The following THBS2 variants were observed in gnomAD, a reference collection of about 807,000 sequenced individuals.
THBS2 encodes the protein thrombospondin 2.
THBS2 carries 47 observed loss-of-function variants against 135.2 expected under a neutral mutation model. The observed-to-expected ratio is 0.35, with a 90% CI of 0.28 to 0.44. The LOEUF is 0.44. Ranked by LOEUF, THBS2 falls within the 20% of genes least tolerant of loss-of-function variation. The probability of loss-of-function intolerance (pLI) is 1.00; values close to 1 mark genes in which losing one functional copy is unlikely to be tolerated. For synonymous variants in THBS2, 639 were observed against 633.8 expected (o/e 1.01, Z -0.12); for missense variants, 1,288 against 1,603.1 (o/e 0.80, Z 3.36).
At position 169,248,534 on chromosome 6, in the gene THBS2, G is replaced by A. The variant is rs1780640328; in HGVS notation, c.492C>T (p.His164=). ...AGCTGTCTATGAGGTCGCAGCCCAC[G>A]TGCAAGCTGTAGGTCTCGCCAGCCA... The part of the protein sequence containing the change: ...VQVAGETYSL[H]VGCDLIDSFA... Residue 164 remains histidine (H), a synonymous_variant, in exon 3 of 22, where the codon CAC becomes CAT. Coordinates refer to ENST00000617924, the MANE Select transcript of THBS2 (RefSeq NM_003247.5). 1.2e-6 allele frequency: 2 copies of A among 1,614,014 alleles called. No homozygotes were observed. The highest frequency in any genetic ancestry group is 1.3e-5 in the African/African-American group (1 of 75,060).
intron 12 of THBS2, 152 bp downstream of exon 12, chr6:169,232,512 C>G (rs931254172): frequency 2.2e-6 from 3 of 1,342,126 alleles, no homozygotes; most frequent in East Asian, 2.3e-5. Context: ...AGCGGCCCAG[C>G]CGAGCAGGTG....
intron 14 of THBS2, among the ~76,000 whole-genome samples, chr6:169,228,509 C>T (rs1046880829): frequency 4.6e-5 from 7 of 152,064 alleles, no homozygotes; most frequent in Admixed American, 3.9e-4. Flanking sequence ...GGGCAGGGCA[C>T]GGAGGCTCAC....
At chr6:169,249,721 G>A (rs929512319) in intron 2 of THBS2, among the ~76,000 whole-genome samples, 1 of 152,144 alleles carries the variant, frequency 6.6e-6, no homozygotes, top group Non-Finnish European at 1.5e-5. Context: ...CAGATCTCAC[G>A]AAAATCATAA....
At chr6:169,245,292 T>TA (rs1193757675) in intron 4 of THBS2, among the ~76,000 whole-genome samples, 1 of 152,234 alleles carries the variant, frequency 6.6e-6, no homozygotes, top group East Asian at 1.9e-4. Flanking sequence ...CCATCTCACG[T>TA]AGTCATTCTG....
chr6:169,245,771 G>A (rs1218827159), intron 4 of THBS2, among the ~76,000 whole-genome samples: 6 of 139,162 alleles, frequency 4.3e-5, no homozygotes, highest in Admixed American at 7.6e-5. Context: ...CAGCCTGGGT[G>A]ACAGAGTGAG....
intron 17 of THBS2, among the ~76,000 whole-genome samples, chr6:169,224,612 T>C (rs1779553896): frequency 1.3e-5 from 2 of 152,162 alleles, no homozygotes. Context: ...TGTGCCCTTG[T>C]TTATTACTCA....
At chr6:169,236,963 C>T (rs1038874966) in intron 9 of THBS2, among the ~76,000 whole-genome samples, 169 of 152,378 alleles carry the variant, frequency 1.1e-3, no homozygotes, top group African/African-American at 3.8e-3. Context: ...AGGAGGTTTG[C>T]GCTGAGCACA....
intron 4 of THBS2, among the ~76,000 whole-genome samples, chr6:169,242,582 AAATTCC>A (rs1562362954): frequency 5.6e-5 from 4 of 71,050 alleles, no homozygotes; most frequent in Admixed American, 5.3e-4. Flanking sequence ...ACCTTCCCCC[AAATTCC>A]CACCTTCCCA....
rs746036990 is a variant in THBS2, at chr6:169,232,054, C to T, written c.2077G>A (p.Glu693Lys). ...GGCCAGCCGTCCAGGTCCGAGTCCT[C>T]CCCGCAGATGAGCCCGTCGCCCGCG... ...GYAGDGLICG[E>K]DSDLDGWPNL... The change falls in exon 13 of 22, where the codon GAG becomes AAG. Residue 693 changes from glutamate (E) to lysine (K), a missense_variant. Physicochemically the swap from Glu to Lys is moderately conservative, Grantham distance 56. This residue lies in a region of THBS2 where 874 missense variants were observed against 1,156.1 expected (regional missense o/e 0.76). Transcript: ENST00000617924. The T allele has an allele frequency of 3.7e-6, 6 of 1,613,930 alleles. No individual in the cohort carries two copies. In the African/African-American group the frequency reaches 6.7e-5, roughly 18 times the overall value.
chr6:169,219,577 T>C (rs1441813046), intron 21 of THBS2, among the ~76,000 whole-genome samples: 1 of 152,106 alleles, frequency 6.6e-6, no homozygotes, highest in Non-Finnish European at 1.5e-5. Flanking sequence ...ACTCCTGACC[T>C]CAGGGGATCC....
chr6:169,246,707 G>C (rs1159159224), intron 3 of THBS2, among the ~76,000 whole-genome samples: 1 of 152,186 alleles, frequency 6.6e-6, no homozygotes, highest in Non-Finnish European at 1.5e-5. Flanking sequence ...CACAGACCCT[G>C]GGCCTGCAGG....
At position 169,241,839 on chromosome 6, in the gene THBS2, C is replaced by T; in HGVS notation, c.814G>A (p.Glu272Lys). The T allele has an allele frequency of 6.2e-7, 1 of 1,612,800 alleles. No individual in the cohort carries two copies. Among genetic ancestry groups the T allele is most frequent in the Non-Finnish European group, 8.5e-7 (1 of 1,179,964 alleles). ...AGCTCCTGGACCATGTTTCCCAGCT[C>T]CTCGCACGAGCGTTCGCACACCTCG... The part of the protein sequence containing the change: ...RPEVCERSCE[E>K]LGNMVQELSG... The change falls in exon 5 of 22, where the codon GAG becomes AAG. Residue 272 changes from glutamate (E) to lysine (K), a missense_variant. Transcript: ENST00000617924. This position sits in a 1 kb window ranked among gnomAD's most constrained non-coding sequence, Gnocchi z 5.5.
intron 11 of THBS2, 28 bp from the exon 12 acceptor site, chr6:169,232,844 C>T (rs1779895603): frequency 4.4e-6 from 7 of 1,607,594 alleles, no homozygotes; most frequent in East Asian, 2.2e-5. Context: ...CATGAGAGGC[C>T]GCTCCCGACC....
In THBS2 at chr6:169,237,343, C is replaced by T. The variant is rs752482498; in HGVS notation, c.1304G>A (p.Arg435Gln). 42 of 1,613,066 alleles carry T rather than the reference C, an allele frequency of 2.6e-5. No homozygotes were observed. Among genetic ancestry groups the T allele is most frequent in the Admixed American group, 2.2e-4 (13 of 59,998 alleles). Residue 435 changes from arginine (R) to glutamine (Q), a missense_variant, in exon 9 of 22, where the codon CGG becomes CAG. This residue lies in a region of THBS2 where 874 missense variants were observed against 1,156.1 expected (regional missense o/e 0.76). Coordinates refer to ENST00000617924, the MANE Select transcript of THBS2 (RefSeq NM_003247.5). ...CSLSKCDTRI[R>Q]QDGGWSHWSP... ...CCAGTGGCTCCAGCCGCCGTCCTGC[C>T]GGACTAACACAAGAAGCGGAGAGAG...
intron 9 of THBS2, among the ~76,000 whole-genome samples, chr6:169,235,692 C>T (rs1005112714): frequency 1.9e-4 from 28 of 151,320 alleles, no homozygotes; most frequent in Admixed American, 2.0e-4. Flanking sequence ...ACTCACTGCC[C>T]ATCCACACTC....
In THBS2 at chr6:169,248,522, G is replaced by A; in HGVS notation, c.504C>T (p.Asp168=). The change falls in exon 3 of 22, where the codon GAC becomes GAT. Residue 168 remains aspartate (D), a synonymous_variant. Transcript: ENST00000617924. The part of the protein sequence containing the change: ...GETYSLHVGC[D]LIDSFALDEP... ...CGTCCAGAGCGAAGCTGTCTATGAGGTCGCAGCCCACGTGCAAGCTGTAGG... is the reference window on the plus strand; with the variant it reads ...CGTCCAGAGCGAAGCTGTCTATGAGATCGCAGCCCACGTGCAAGCTGTAGG... 2.5e-6 allele frequency: 4 copies of A among 1,614,028 alleles called. No individual in the cohort carries two copies. The highest frequency in any genetic ancestry group is 1.7e-5 in the Admixed American group (1 of 60,030).
At position 169,220,207 on chromosome 6, in the gene THBS2, C is replaced by T. The variant is rs1006425320; in HGVS notation, c.3502G>A (p.Glu1168Lys). 7 of 1,613,398 alleles carry T rather than the reference C, an allele frequency of 4.3e-6. No homozygotes were observed. The Admixed American group carries it at 5.0e-5, about 12-fold the overall frequency. ...EMVYFSDLKYECRDI is the reference protein window; with the variant it reads ...EMVYFSDLKYKCRDI ...AAGTGCTCACACTCACCTCTGCATT[C>T]GTACTTGAGGTCTGAGAAATAGACC... Residue 1168 changes from glutamate to lysine, a missense_variant, in exon 21 of 22, where the codon GAA (glutamate) becomes AAA (lysine). Around this residue, in one of 2 missense-constraint regions of THBS2, gnomAD observed 874 missense variants for 1,156.1 expected, o/e 0.76. Transcript: ENST00000617924.
In THBS2 at chr6:169,237,765, C is replaced by T. The variant is rs1021270236; in HGVS notation, c.1160G>A (p.Trp387Ter). ...SVDGEEGWSP[W>*]AEWTQCSVTC... The stretch of plus-strand genomic sequence containing the variant: ...CACGGAGCACTGGGTCCACTCTGCC[C>T]ACGGAGACCAGCCCTCCTCACCGTC... Residue 387 changes from tryptophan to a stop codon, truncating the protein, a stop_gained, in exon 8 of 22, where the codon TGG (tryptophan) becomes TAG (stop). Coordinates refer to ENST00000617924, the MANE Select transcript of THBS2 (RefSeq NM_003247.5). LOFTEE classifies it high-confidence loss of function. 6.2e-7 allele frequency: 1 copy of T among 1,611,396 alleles called. No homozygotes were observed. Among genetic ancestry groups the T allele is most frequent in the African/African-American group, 1.3e-5 (1 of 74,940 alleles).
intron 7 of THBS2, 67 bp from the exon 8 acceptor site, chr6:169,237,862 G>A: frequency 1.3e-6 from 2 of 1,525,496 alleles, no homozygotes; most frequent in East Asian, 2.3e-5. Flanking sequence ...AACAGAACGG[G>A]CACAGGGCAG....
Sources: allele counts gnomAD v4.1 joint callset (sites outside exome capture counted in the v4.1 genomes callset), GRCh38; gene constraint gnomAD v4.1.1; regional missense constraint gnomAD v4.1.1; non-coding constraint Gnocchi (gnomAD v3.1); transcripts MANE v1.5; gene names NCBI Gene and HGNC (gene_info 2026-07-23, HGNC 2026-07-21).